Variants in LOC128125822 observed in about 807,000 individuals in gnomAD.
At chr6:63,578,645 CAA>C in the LOC128125822 span, 4 of 1,371,378 alleles carry the variant, frequency 2.9e-6, no homozygotes, top group Admixed American at 9.6e-5. Flanking sequence ...AAGCTAAAAA[CAA>C]ATATTATATT....
At chr6:63,580,056 G>A in the LOC128125822 span, 5 of 1,556,646 alleles carry the variant, frequency 3.2e-6, no homozygotes, top group South Asian at 1.1e-5. Flanking sequence ...TTTCCTCCCA[G>A]AAAGCGGCGT....
At chr6:63,579,160 G>A in the LOC128125822 span, 1 of 1,384,810 alleles carries the variant, frequency 7.2e-7, no homozygotes, top group Non-Finnish European at 9.8e-7. Context: ...TAGGAAGGGT[G>A]GTAGATAATA....
the LOC128125822 span, among the ~76,000 whole-genome samples, chr6:63,578,061 G>T: frequency 6.6e-6 from 1 of 151,990 alleles, no homozygotes; most frequent in African/African-American, 2.4e-5. Flanking sequence ...TATAAATAAT[G>T]CCTTTAGTTA....
At chr6:63,576,782 G>T in the LOC128125822 span, 2 of 873,644 alleles carry the variant, frequency 2.3e-6, no homozygotes, top group Non-Finnish European at 3.6e-6. Context: ...ATTTCAAGTG[G>T]AGTATATTGA....
At chr6:63,577,047 T>C in the LOC128125822 span, 1 of 1,327,116 alleles carries the variant, frequency 7.5e-7, no homozygotes, top group South Asian at 1.3e-5. Flanking sequence ...GACTTATAGC[T>C]AACAAAATAA....
the LOC128125822 span, chr6:63,580,162 T>C: frequency 7.5e-6 from 12 of 1,610,452 alleles, no homozygotes; most frequent in Non-Finnish European, 9.3e-6. Flanking sequence ...GAAACAACTG[T>C]TGCATTCAAT....
chr6:63,576,091 ATT>A, the LOC128125822 span, among the ~76,000 whole-genome samples: 1 of 149,968 alleles, frequency 6.7e-6, no homozygotes, highest in African/African-American at 2.4e-5. Context: ...ATAATTATAT[ATT>A]ATATATAGAT....
At chr6:63,579,996 C>CT in the LOC128125822 span, 1 of 1,226,962 alleles carries the variant, frequency 8.2e-7, no homozygotes, top group Non-Finnish European at 1.2e-6. Flanking sequence ...GTCTATAAGA[C>CT]ACTAAATATT....
the LOC128125822 span, chr6:63,580,491 T>C: frequency 9.5e-6 from 2 of 211,190 alleles, no homozygotes; most frequent in Admixed American, 5.2e-5. Context: ...CAGAATCTTA[T>C]CAATACATAA....
At chr6:63,582,130 A>G in the LOC128125822 span, 41 of 152,124 alleles carry the variant, frequency 2.7e-4, no homozygotes, top group African/African-American at 9.9e-4. Flanking sequence ...TTGGTTATTT[A>G]AATCTTGGAT....
chr6:63,580,144 C>T, the LOC128125822 span: 48 of 1,612,320 alleles, frequency 3.0e-5, no homozygotes, highest in Admixed American at 1.7e-4. Context: ...AAGATTCCAA[C>T]GGTCATAGAA....
the LOC128125822 span, among the ~76,000 whole-genome samples, chr6:63,575,080 C>T: frequency 6.6e-6 from 1 of 152,162 alleles, no homozygotes; most frequent in Non-Finnish European, 1.5e-5. Context: ...CAGTAATCAT[C>T]ATAAGAATTA....
chr6:63,577,162 G>A, the LOC128125822 span, among the ~76,000 whole-genome samples: 1 of 152,190 alleles, frequency 6.6e-6, no homozygotes, highest in African/African-American at 2.4e-5. Flanking sequence ...ATTTTGAGAA[G>A]GGCATGTGCT....
chr6:63,575,855 A>G, the LOC128125822 span, among the ~76,000 whole-genome samples: 1 of 152,220 alleles, frequency 6.6e-6, no homozygotes, highest in South Asian at 2.1e-4. Context: ...TAAATATAGG[A>G]CTTAAATCAG....
chr6:63,578,580 T>C, the LOC128125822 span: 1 of 1,567,676 alleles, frequency 6.4e-7, no homozygotes, highest in Non-Finnish European at 8.6e-7. Context: ...TACAAAAGTT[T>C]ATTCAAATAG....
chr6:63,580,404 G>T, the LOC128125822 span: 1 of 456,694 alleles, frequency 2.2e-6, no homozygotes, highest in Non-Finnish European at 4.0e-6. Context: ...TATAAAATGT[G>T]CTTGTCATTT....
chr6:63,576,975 A>G, the LOC128125822 span: 1 of 1,609,088 alleles, frequency 6.2e-7, no homozygotes, highest in Non-Finnish European at 8.5e-7. Flanking sequence ...ACCTTAAACA[A>G]ATTTATAGAG....
At chr6:63,578,333 T>C in the LOC128125822 span, 1 of 1,284,000 alleles carries the variant, frequency 7.8e-7, no homozygotes, top group Non-Finnish European at 1.0e-6. Context: ...AATGATCTTC[T>C]GTTAACCAGC....
chr6:63,575,364 C>T, the LOC128125822 span, among the ~76,000 whole-genome samples: 1 of 152,138 alleles, frequency 6.6e-6, no homozygotes, highest in Non-Finnish European at 1.5e-5. Context: ...ACACAAGTAC[C>T]TTATAAACTA....
Sources: allele counts gnomAD v4.1 joint callset (sites outside exome capture counted in the v4.1 genomes callset), GRCh38; gene constraint gnomAD v4.1.1; transcripts MANE v1.5.